The following FBF1 variants were observed in gnomAD, a reference collection of about 807,000 sequenced individuals.
The protein encoded by FBF1 is Fas binding factor 1, also known as fas-binding factor 1.
In FBF1, 119 loss-of-function variants were observed where a neutral mutation model predicts 147.2. The observed-to-expected ratio is 0.81, with a 90% CI of 0.70 to 0.94. The LOEUF (loss-of-function observed/expected upper bound fraction) is 0.94. Among genes scored for constraint, FBF1 ranks in the 40% least tolerant of loss-of-function variants. The probability of loss-of-function intolerance (pLI) is 0.00; values close to 1 mark genes in which losing one functional copy is unlikely to be tolerated. For synonymous variants in FBF1, 601 were observed against 609.0 expected, an observed-to-expected ratio of 0.99 and a Z score of 0.19; for missense variants, 1,449 against 1,500.8, an observed-to-expected ratio of 0.97 and a Z score of 0.57.
intron 4 of FBF1, 30 bp from the exon 5 acceptor site, chr17:75,933,118 A>G: frequency 6.5e-7 from 1 of 1,545,892 alleles, no homozygotes; most frequent in South Asian, 1.2e-5. Context: ...AAAACGTGTC[A>G]TTTAACTAAA....
At chr17:75,933,619 T>C (rs1465658136) in intron 4 of FBF1, among the ~76,000 whole-genome samples, 1 of 152,128 alleles carries the variant, frequency 6.6e-6, no homozygotes, top group Admixed American at 6.5e-5. Flanking sequence ...TGGTGAGCTT[T>C]ACATGACCAT....
At chr17:75,931,089 C>A (rs1241861164) in intron 6 of FBF1, 140 bp downstream of exon 6, 7 of 825,758 alleles carry the variant, frequency 8.5e-6, no homozygotes, top group African/African-American at 1.7e-5. Flanking sequence ...AGGGAGACTC[C>A]ATCTCAAAAA....
chr17:75,926,032 T>G lies in FBF1; in HGVS notation c.866A>C (p.Gln289Pro), dbSNP rs777129783. The G allele has an allele frequency of 6.2e-7, 1 of 1,609,730 alleles. No homozygotes were observed. The highest frequency in any genetic ancestry group is 8.5e-7 in the Non-Finnish European group (1 of 1,178,656). The change falls in exon 12 of 30, where the codon CAG (glutamine) becomes CCG (proline). Residue 289 changes from glutamine to proline, a missense_variant and splice_region_variant. By Grantham distance (76) the Gln-to-Pro change is moderately conservative. Transcript: ENST00000636174. ...FKLDKKYQRP[Q>P]DSEDMWGDED... ...GCGGCCCCCGCAAGCCTCCTTACCC[T>G]GTGGCCTCTGGTACTTCTTGTCTAG...
chr17:75,929,722 G>C (rs1872934046), intron 7 of FBF1, among the ~76,000 whole-genome samples: 1 of 152,044 alleles, frequency 6.6e-6, no homozygotes, highest in African/African-American at 2.4e-5. Context: ...GGAGGTGAGG[G>C]GACCCAGCTA....
At chr17:75,940,406 C>T (rs2144207683) in intron 1 of FBF1, among the ~76,000 whole-genome samples, 1 of 152,274 alleles carries the variant, frequency 6.6e-6, no homozygotes, top group South Asian at 2.1e-4. Flanking sequence ...GCACACGCCA[C>T]CATGTGCGGC....
At position 75,910,209 on chromosome 17, in the gene FBF1, G is replaced by C. The variant is rs1016880271; in HGVS notation, c.*514C>G. On this transcript the variant is annotated 3_prime_UTR_variant, in exon 30 of 30. Coordinates refer to ENST00000636174, the MANE Select transcript of FBF1 (RefSeq NM_001319193.2). The surrounding 1 kb of genome is among the most constrained non-coding windows in gnomAD (Gnocchi z 4.1). Reference sequence around the variant, plus strand: ...AGGAACATCTCACACCACAAGGGAGGATCTAGCTGGTGCCCTCCCTGTACT... The same window carrying C: ...AGGAACATCTCACACCACAAGGGAGCATCTAGCTGGTGCCCTCCCTGTACT... 2.7e-6 allele frequency: 1 copy of C among 375,818 alleles called. No individual in the cohort carries two copies. The highest frequency in any genetic ancestry group is 6.7e-5 in the East Asian group (1 of 14,832). The allele number at this position is 375,818 out of a possible 1,614,324, so 23.3% of individuals were successfully genotyped here.
intron 23 of FBF1, 31 bp downstream of exon 23, chr17:75,917,701 G>A: frequency 6.5e-7 from 1 of 1,528,064 alleles, no homozygotes. Flanking sequence ...CGTGGCAGGA[G>A]GGGCAGGAGG....
chr17:75,920,164 T>C (rs2065516133), intron 18 of FBF1, 57 bp from the exon 19 acceptor site: 35 of 1,583,834 alleles, frequency 2.2e-5, no homozygotes, highest in Non-Finnish European at 3.0e-5. Context: ...TACTCCACGC[T>C]GCCCTGTGCC....
Position 75,923,543 on chromosome 17 carries a change from C to A in FBF1, c.1067G>T (p.Gly356Val). 6.2e-7 allele frequency: 1 copy of A among 1,607,624 alleles called. No homozygotes were observed. The highest frequency in any genetic ancestry group is 8.5e-7 in the Non-Finnish European group (1 of 1,177,366). Residue 356 changes from glycine to valine, a missense_variant, in exon 14 of 30, where the codon GGA becomes GTA. Gly to Val is a moderately radical substitution (Grantham distance 109, BLOSUM62 -3). Transcript: ENST00000636174. The surrounding 1 kb of genome is among the most constrained non-coding windows in gnomAD (Gnocchi z 4.1). ...GTCCTTGAGGCCCAACCAGTCAGCT[C>A]CTCCCTTCCTGGGCTGGATGGGGCT... Reference protein sequence around the residue: ...ASSPIQPRKGGADWLGLKDED... With the variant: ...ASSPIQPRKGVADWLGLKDED...
At chr17:75,931,330 C>T in intron 5 of FBF1, 41 bp from the exon 6 acceptor site, 1 of 1,538,300 alleles carries the variant, frequency 6.5e-7, no homozygotes, top group Non-Finnish European at 8.8e-7. Context: ...CATCCCAGGG[C>T]ACTGGATGAC....
Position 75,926,016 on chromosome 17 carries a change from G to A in FBF1, c.868+14C>T, listed in dbSNP as rs752394668. 3.5e-5 allele frequency: 56 copies of A among 1,596,056 alleles called. No homozygotes were observed. In the Middle Eastern group the frequency reaches 1.1e-3, roughly 31 times the overall value. ...TCCCTCCCGTCCTGTTGCGGCCCCCGCAAGCCTCCTTACCCTGTGGCCTCT... is the reference window on the plus strand; with the variant it reads ...TCCCTCCCGTCCTGTTGCGGCCCCCACAAGCCTCCTTACCCTGTGGCCTCT... On this transcript the variant is annotated intron_variant, in intron 12 of 29. Coordinates refer to ENST00000636174, the MANE Select transcript of FBF1 (RefSeq NM_001319193.2).
intron 23 of FBF1, among the ~76,000 whole-genome samples, chr17:75,916,165 CA>C (rs1253262936): frequency 6.8e-6 from 1 of 146,426 alleles, no homozygotes; most frequent in African/African-American, 2.5e-5. Flanking sequence ...ACAAAAAATA[CA>C]AAAAATTAGC....
In FBF1 at chr17:75,913,606, C is replaced by T. The variant is rs562192438; in HGVS notation, c.3247+96G>A. The stretch of plus-strand genomic sequence containing the variant: ...AAGGCGACTATAAAACCCAGCTGGC[C>T]GCCTTAACTGGAGCGGCTGGAGGAG... On this transcript the variant is annotated intron_variant, in intron 28 of 29. Transcript: ENST00000636174. 3.4e-5 allele frequency: 31 copies of T among 915,782 alleles called. No homozygotes were observed. The South Asian group carries it at 5.3e-4, about 16-fold the overall frequency. The allele number at this position is 915,782 out of a possible 1,614,324, so 56.7% of individuals were successfully genotyped here.
chr17:75,939,645 G>A (rs533396492), intron 1 of FBF1, among the ~76,000 whole-genome samples: 14 of 152,126 alleles, frequency 9.2e-5, no homozygotes, highest in East Asian at 3.9e-4. Context: ...ATCCTCCTGC[G>A]TTGGTCTTCC....
rs1294756183 is a variant in FBF1, at chr17:75,920,409, C to G, written c.1695G>C (p.Leu565=). The change falls in exon 18 of 30, where the codon CTG becomes CTC. Residue 565 remains leucine (L), a synonymous_variant. Transcript: ENST00000636174. The part of the protein sequence containing the change: ...VPVQPLLPES[L]ARSLLPSTEY... ...CTGTGCTCGGCAGCAGGCTCCGGGCCAGGGACTCTGGGAGCAGGGGCTGGA... is the reference window on the plus strand; with the variant it reads ...CTGTGCTCGGCAGCAGGCTCCGGGCGAGGGACTCTGGGAGCAGGGGCTGGA... The G allele has an allele frequency of 4.4e-6, 7 of 1,607,436 alleles. No homozygotes were observed. The highest frequency in any genetic ancestry group is 5.1e-6 in the Non-Finnish European group (6 of 1,177,554).
intron 1 of FBF1, among the ~76,000 whole-genome samples, chr17:75,939,584 C>T (rs968233300): frequency 1.3e-5 from 2 of 151,796 alleles, no homozygotes; most frequent in Admixed American, 6.6e-5. Context: ...TTTTTCGAGA[C>T]GGGGTCTCAC....
chr17:75,936,381 A>G (rs527261099), intron 3 of FBF1, among the ~76,000 whole-genome samples: 1 of 151,936 alleles, frequency 6.6e-6, no homozygotes, highest in Non-Finnish European at 1.5e-5. Context: ...AATCCCAGCT[A>G]CTGGAGAGGA....
intron 23 of FBF1, 27 bp from the exon 24 acceptor site, chr17:75,915,166 G>A: frequency 3.1e-6 from 5 of 1,598,676 alleles, no homozygotes; most frequent in Non-Finnish European, 4.2e-6. Context: ...AGGACTGAGA[G>A]CGTGGTTCCC....
Position 75,923,292 on chromosome 17 carries a change from G to A in FBF1, c.1318C>T (p.His440Tyr), listed in dbSNP as rs1329914207. ...SKEEKEDWLS[H>Y]ALSRKKSQGL... is the part of the protein sequence containing the mutation. ...TGGGACTTCTTCCGAGACAGGGCAT[G>A]GCTCAGCCAGTCCTCTTTCTCCTCC... is the stretch of plus-strand genomic sequence containing the variant. The change falls in exon 14 of 30, where the codon CAT becomes TAT. Residue 440 changes from histidine (H) to tyrosine (Y), a missense_variant. Coordinates refer to ENST00000636174, the MANE Select transcript of FBF1 (RefSeq NM_001319193.2). The surrounding 1 kb of genome is among the most constrained non-coding windows in gnomAD (Gnocchi z 4.1). 1.9e-6 allele frequency: 3 copies of A among 1,592,068 alleles called. No homozygotes were observed. The highest frequency in any genetic ancestry group is 1.1e-5 in the South Asian group (1 of 87,740).
Sources: allele counts gnomAD v4.1 joint callset (sites outside exome capture counted in the v4.1 genomes callset), GRCh38; gene constraint gnomAD v4.1.1; non-coding constraint Gnocchi (gnomAD v3.1); transcripts MANE v1.5; gene names NCBI Gene and HGNC (gene_info 2026-07-23, HGNC 2026-07-21).